NEBL: variants seen among roughly 807,000 people sequenced by gnomAD.
NEBL encodes the protein LIM and SH3 protein 2.
In NEBL, 122 loss-of-function variants were observed where a neutral mutation model predicts 140.2. That is an observed-to-expected ratio of 0.87 (90% CI 0.75 to 1.01). NEBL has a LOEUF of 1.01. Ranked by LOEUF, NEBL falls within the 50% of genes least tolerant of loss-of-function variation. The pLI is 0.00. For synonymous variants in NEBL, 436 were observed against 398.9 expected (o/e 1.09, Z -1.11); for missense variants, 1,365 against 1,231.3 (o/e 1.11, Z -1.62).
intron 2 of NEBL, chr10:21,126,052 C>A: frequency 6.2e-7 from 1 of 1,614,194 alleles, no homozygotes; most frequent in Non-Finnish European, 8.5e-7. Context: ...GCTTTGCAGC[C>A]TTCTGGTCTC....
chr10:20,846,956 C>T (rs961620753), intron 11 of NEBL, among the ~76,000 whole-genome samples: 1 of 151,998 alleles, frequency 6.6e-6, no homozygotes, highest in African/African-American at 2.4e-5. Context: ...AAAACACACA[C>T]ATTAAGCCTA....
intron 24 of NEBL, among the ~76,000 whole-genome samples, chr10:20,810,200 C>A (rs145513363): frequency 7.1e-4 from 108 of 152,286 alleles, no homozygotes; most frequent in African/African-American, 2.6e-3. Flanking sequence ...AACACAGGAG[C>A]ACATGGGGCA....
At chr10:20,847,969 A>T (rs1300006808) in intron 11 of NEBL, among the ~76,000 whole-genome samples, 1 of 152,210 alleles carries the variant, frequency 6.6e-6, no homozygotes, top group African/African-American at 2.4e-5. Flanking sequence ...TGTAAAATTA[A>T]ATGAGTGCTG....
At chr10:21,135,343 C>T (rs1839304227) in intron 2 of NEBL, among the ~76,000 whole-genome samples, 1 of 152,182 alleles carries the variant, frequency 6.6e-6, no homozygotes, top group African/African-American at 2.4e-5. Context: ...TTGTGTGGTA[C>T]TTCCCCATCC....
At position 21,125,227 on chromosome 10, in the gene NEBL, T is replaced by TACAC. The variant is rs59284447; in HGVS notation, c.164+47152_164+47155dup. The stretch of plus-strand genomic sequence containing the variant: ...ACGCACACACATGCACACATGCATA[T>TACAC]ACACACACACACACACACACACAGC... On this transcript the variant is annotated intron_variant, in intron 2 of 6. Coordinates refer to the NEBL transcript ENST00000417816. Among the ~76,000 whole-genome samples, 490 of 148,202 alleles carry TACAC rather than the reference T, an allele frequency of 3.3e-3. 3 individuals are homozygous for TACAC. The highest frequency in any genetic ancestry group is 0.011 in the African/African-American group (450 of 39,586).
At chr10:20,977,706 T>C (rs1041784839) in intron 3 of NEBL, among the ~76,000 whole-genome samples, 1 of 152,230 alleles carries the variant, frequency 6.6e-6, no homozygotes, top group Non-Finnish European at 1.5e-5. Context: ...TGGTGTTAGC[T>C]TGTTCCAACT....
intron 4 of NEBL, among the ~76,000 whole-genome samples, chr10:20,884,381 G>A (rs115449554): frequency 1.4e-3 from 209 of 152,268 alleles, no homozygotes; most frequent in African/African-American, 4.8e-3. Context: ...CTGGCCAAAT[G>A]TGGCATTGAA....
chr10:21,166,219 C>CAAAAAAAAAAAAAAAAAAAAAAAAAAAA (rs1170225891), intron 2 of NEBL, among the ~76,000 whole-genome samples: 1 of 35,376 alleles, frequency 2.8e-5, no homozygotes, highest in African/African-American at 8.3e-5. Flanking sequence ...GACTGTGTCT[C>CAAAAAAAAAAAAAAAAAAAAAAAAAAAA]AAAAAAAAAA....
intron 26 of NEBL, among the ~76,000 whole-genome samples, chr10:20,797,443 A>G (rs1180773894): frequency 1.3e-5 from 2 of 152,228 alleles, no homozygotes; most frequent in African/African-American, 4.8e-5. Context: ...GACAAGCCAC[A>G]CTAAATATCA....
At chr10:20,902,156 C>T (rs1847899394), upstream of NEBL, among the ~76,000 whole-genome samples, 1 of 152,100 alleles carries the variant, frequency 6.6e-6, no homozygotes, top group African/African-American at 2.4e-5. Context: ...GTAATCCCAG[C>T]ACTTTGGGAG....
At chr10:20,928,967 C>T (rs970676207) in intron 4 of NEBL, among the ~76,000 whole-genome samples, 2 of 152,018 alleles carry the variant, frequency 1.3e-5, no homozygotes, top group Non-Finnish European at 2.9e-5. Flanking sequence ...TCCAATTCAT[C>T]GCCTCCTCTC....
intron 4 of NEBL, among the ~76,000 whole-genome samples, chr10:20,916,469 C>T (rs1380140188): frequency 6.6e-6 from 1 of 152,186 alleles, no homozygotes; most frequent in Non-Finnish European, 1.5e-5. Flanking sequence ...TGCAGTGGCA[C>T]GATCTTGGCT....
chr10:20,929,404 A>G (rs1051418510), intron 4 of NEBL, among the ~76,000 whole-genome samples: 1 of 152,156 alleles, frequency 6.6e-6, no homozygotes, highest in African/African-American at 2.4e-5. Context: ...CCTAGTCAAT[A>G]AAATTTTGTT....
intron 4 of NEBL, among the ~76,000 whole-genome samples, chr10:20,934,350 T>A (rs959503522): frequency 1.3e-5 from 2 of 152,184 alleles, no homozygotes; most frequent in Admixed American, 6.5e-5. Flanking sequence ...TCTCAAAGGA[T>A]GTGCTTTTTG....
chr10:20,846,171 T>C (rs1425296891), intron 11 of NEBL, among the ~76,000 whole-genome samples: 2 of 152,174 alleles, frequency 1.3e-5, no homozygotes, highest in East Asian at 3.8e-4. Flanking sequence ...GCATGCTTTA[T>C]GACTATAAAG....
chr10:20,992,901 C>T (rs1342592829), intron 3 of NEBL, among the ~76,000 whole-genome samples: 1 of 151,176 alleles, frequency 6.6e-6, no homozygotes, highest in Non-Finnish European at 1.5e-5. Flanking sequence ...CCTCAGCCTC[C>T]CCAGTAGCTG....
At chr10:21,005,505 T>G (rs1360937754) in intron 3 of NEBL, among the ~76,000 whole-genome samples, 1 of 152,140 alleles carries the variant, frequency 6.6e-6, no homozygotes, top group African/African-American at 2.4e-5. Flanking sequence ...AAGGTCAAGA[T>G]GGGGGGATCG....
At chr10:21,065,258 A>G (rs946555594) in intron 2 of NEBL, among the ~76,000 whole-genome samples, 1 of 152,220 alleles carries the variant, frequency 6.6e-6, no homozygotes, top group African/African-American at 2.4e-5. Flanking sequence ...TATTTAAGTC[A>G]TGAGCTTGAT....
intron 26 of NEBL, among the ~76,000 whole-genome samples, chr10:20,805,953 A>G (rs1204773465): frequency 6.6e-6 from 1 of 152,160 alleles, no homozygotes; most frequent in African/African-American, 2.4e-5. Context: ...GAAGTATGAA[A>G]TTCCTCCTTT....
Sources: gnomAD v4.1 joint callset for allele counts (sites outside exome capture counted in the v4.1 genomes callset) on GRCh38, gnomAD v4.1.1 for gene constraint, MANE v1.5 for transcripts, NCBI Gene and HGNC (gene_info 2026-07-23, HGNC 2026-07-21) for gene names.